C6orf52: variants seen among roughly 807,000 people sequenced by gnomAD.
C6orf52 encodes the protein chromosome 6 open reading frame 52.
C6orf52 carries 16 observed loss-of-function variants against 16.6 expected under a neutral mutation model. The observed-to-expected ratio is 0.96, with a 90% CI of 0.65 to 1.46. The LOEUF is 1.46. Ranked by LOEUF, C6orf52 falls within the 40% of genes most tolerant of loss-of-function variation. The pLI is 0.00. For synonymous variants in C6orf52, 53 were observed against 61.4 expected (o/e 0.86, Z 0.64); for missense variants, 166 against 182.3 (o/e 0.91, Z 0.52).
At chr6:10,681,821 A>C (rs1276605373) in intron 4 of C6orf52, among the ~76,000 whole-genome samples, 3 of 152,230 alleles carry the variant, frequency 2.0e-5, no homozygotes, top group African/African-American at 7.2e-5. Flanking sequence ...TGCCTAGGCA[A>C]ATAGGGTAAG....
chr6:10,685,291 G>A (rs1768777139), intron 3 of C6orf52, among the ~76,000 whole-genome samples: 1 of 149,112 alleles, frequency 6.7e-6, no homozygotes, highest in Non-Finnish European at 1.5e-5. Context: ...GCAATGTAGT[G>A]AAAGATTTTT....
chr6:10,693,460 G>A (rs1041510672), intron 1 of C6orf52, among the ~76,000 whole-genome samples: 12 of 152,334 alleles, frequency 7.9e-5, no homozygotes, highest in Non-Finnish European at 1.0e-4. Context: ...ATTTCTGCAA[G>A]ACCCAAACTA....
chr6:10,682,531 G>C (rs1459729542), intron 4 of C6orf52, among the ~76,000 whole-genome samples: 1 of 152,174 alleles, frequency 6.6e-6, no homozygotes. Flanking sequence ...GGCAGTGGGT[G>C]GGTTTGTCTG....
chr6:10,688,556 C>T (rs1241122899), intron 1 of C6orf52, among the ~76,000 whole-genome samples: 4 of 152,214 alleles, frequency 2.6e-5, no homozygotes, highest in Non-Finnish European at 5.9e-5. Context: ...TTACTATACT[C>T]ATCCCTGAGT....
rs115225439 is a variant in C6orf52 at position 10,690,195 on chromosome 6, G to A, written c.-11-2634C>T. 5.7e-3 allele frequency among the ~76,000 whole-genome samples: 868 copies of A among 152,252 alleles called. 8 individuals are homozygous for A. Among genetic ancestry groups the A allele is most frequent in the African/African-American group, 0.02 (824 of 41,538 alleles). ...AGAAGGTTGTAAGCAAGATCCCAGG[G>A]TAAAGATGGGCACTTAGGCCTTGGA... On this transcript the variant is annotated intron_variant, in intron 1 of 4. Coordinates refer to ENST00000259983, the MANE Select transcript of C6orf52 (RefSeq NM_001145020.3).
rs527298406 is a variant in C6orf52, at chr6:10,693,307, T to G, written c.-12+1187A>C. ...TCGTTCCATCTGCAATTGAGCACCC[T>G]TTCTGCATAAAGTAAAAATTGCCTT... On this transcript the variant is annotated intron_variant, in intron 1 of 4. Transcript: ENST00000259983. Among the ~76,000 whole-genome samples, 10 of 152,346 alleles carry G rather than the reference T, an allele frequency of 6.6e-5. No individual in the cohort carries two copies. The South Asian group carries it at 2.1e-3, about 32-fold the overall frequency.
intron 4 of C6orf52, among the ~76,000 whole-genome samples, chr6:10,673,418 T>A (rs571670309): frequency 6.6e-6 from 1 of 152,366 alleles, no homozygotes; most frequent in East Asian, 1.9e-4. Context: ...AGACCCATGT[T>A]GTCCAACACA....
At chr6:10,682,017 C>T (rs114960305) in intron 4 of C6orf52, among the ~76,000 whole-genome samples, 198 of 152,272 alleles carry the variant, frequency 1.3e-3, no homozygotes, top group African/African-American at 4.5e-3. Flanking sequence ...GGAATTCACA[C>T]CTTATGCAGG....
At chr6:10,690,840 C>G (rs1769226191) in intron 1 of C6orf52, among the ~76,000 whole-genome samples, 1 of 152,172 alleles carries the variant, frequency 6.6e-6, no homozygotes, top group African/African-American at 2.4e-5. Context: ...CTTTTTACAT[C>G]CTGTATTTGG....
chr6:10,693,378 A>G (rs994118581), intron 1 of C6orf52, among the ~76,000 whole-genome samples: 2 of 152,236 alleles, frequency 1.3e-5, no homozygotes, highest in African/African-American at 4.8e-5. Flanking sequence ...TCGTGTCACC[A>G]ATTATCTATT....
At chr6:10,689,307 G>C (rs527832851) in intron 1 of C6orf52, among the ~76,000 whole-genome samples, 2 of 152,320 alleles carry the variant, frequency 1.3e-5, no homozygotes, top group African/African-American at 4.8e-5. Flanking sequence ...GTTGCATCCA[G>C]GGATGCAGAA....
intron 4 of C6orf52, among the ~76,000 whole-genome samples, chr6:10,676,972 T>C (rs765833946): frequency 3.9e-5 from 6 of 152,262 alleles, no homozygotes; most frequent in Non-Finnish European, 7.3e-5. Context: ...GTTGTCTGTC[T>C]TCACTCTGTT....
At chr6:10,674,624 T>G (rs1322008184) in intron 4 of C6orf52, 1 of 150,732 alleles carries the variant, frequency 6.6e-6, no homozygotes, top group South Asian at 2.1e-4. Flanking sequence ...ATCCACTAAG[T>G]ATTTTTCTTT....
At chr6:10,691,988 A>C (rs968072863) in intron 1 of C6orf52, among the ~76,000 whole-genome samples, 10 of 152,242 alleles carry the variant, frequency 6.6e-5, no homozygotes, top group Admixed American at 6.5e-5. Flanking sequence ...AACAGATTCT[A>C]AATAATCACC....
chr6:10,688,242 G>A (rs543586145), intron 1 of C6orf52, among the ~76,000 whole-genome samples: 131 of 151,702 alleles, frequency 8.6e-4, no homozygotes, highest in Non-Finnish European at 1.7e-3. Flanking sequence ...AAACTTCGAT[G>A]TGCATTCAAA....
chr6:10,688,276 A>G (rs1363614210), intron 1 of C6orf52, among the ~76,000 whole-genome samples: 1 of 152,102 alleles, frequency 6.6e-6, no homozygotes, highest in Non-Finnish European at 1.5e-5. Context: ...TTTAAAATGT[A>G]GGTTCTCTAA....
Position 10,687,567 on chromosome 6 carries a change from CAA to C in C6orf52, c.-11-8_-11-7del, listed in dbSNP as rs986680497. 1.3e-5 allele frequency: 20 copies of C among 1,534,296 alleles called. No individual in the cohort carries two copies. In the African/African-American group the frequency reaches 2.6e-4, roughly 20 times the overall value. On this transcript the variant is annotated splice_polypyrimidine_tract_variant and splice_region_variant and intron_variant, in intron 1 of 4. Coordinates refer to ENST00000259983, the MANE Select transcript of C6orf52 (RefSeq NM_001145020.3). Reference sequence around the variant, plus strand: ...TTGGGCCATTTACCCAGAAACTTTACAAAAAGAGAGCAGAATCCAGTTTTTAT... The same window carrying C: ...TTGGGCCATTTACCCAGAAACTTTACAAAGAGAGCAGAATCCAGTTTTTAT...
At position 10,672,546 on chromosome 6, in the gene C6orf52, C is replaced by A. The variant is rs1445456484; in HGVS notation, c.317-948G>T. ...AGCAGGCAGGACACAGCAACTCATA[C>A]CTGTAACCCCAACACTTTGGGAAGC... On this transcript the variant is annotated intron_variant, in intron 4 of 4. Coordinates refer to ENST00000259983, the MANE Select transcript of C6orf52 (RefSeq NM_001145020.3). 4.3e-6 allele frequency: 3 copies of A among 700,366 alleles called. No individual in the cohort carries two copies. In the African/African-American group the frequency reaches 5.3e-5, roughly 12 times the overall value. 43.4% of individuals were successfully genotyped at this position (700,366 alleles called of 1,614,324 possible).
At chr6:10,672,682 T>C in intron 4 of C6orf52, 2 of 657,578 alleles carry the variant, frequency 3.0e-6, no homozygotes, top group South Asian at 3.4e-5. Context: ...AGCAGAGAAC[T>C]TGCTCACATT....
Sources: gnomAD v4.1 joint callset for allele counts (sites outside exome capture counted in the v4.1 genomes callset) on GRCh38, gnomAD v4.1.1 for gene constraint, MANE v1.5 for transcripts, NCBI Gene and HGNC (gene_info 2026-07-23, HGNC 2026-07-21) for gene names.